CDC16: variants seen among roughly 807,000 people sequenced by gnomAD.
CDC16 encodes the protein cell division cycle protein 16 homolog.
CDC16 carries 34 observed loss-of-function variants against 87.0 expected under a neutral mutation model. That is an observed-to-expected ratio of 0.39 (90% CI 0.30 to 0.52). The LOEUF (loss-of-function observed/expected upper bound fraction) is 0.52, where lower values mean the gene tolerates loss of function less well. Among genes scored for constraint, CDC16 ranks in the 20% least tolerant of loss-of-function variants. The probability of loss-of-function intolerance (pLI) is 0.74; values close to 1 mark genes in which losing one functional copy is unlikely to be tolerated. For synonymous variants in CDC16, 263 were observed against 260.6 expected (o/e 1.01, Z -0.09); for missense variants, 653 against 751.9 (o/e 0.87, Z 1.54).
At chr13:114,236,158 G>A (rs2081240937) in intron 1 of CDC16, among the ~76,000 whole-genome samples, 1 of 152,312 alleles carries the variant, frequency 6.6e-6, no homozygotes, top group African/African-American at 2.4e-5. Context: ...CCCATGTTCA[G>A]TGAAGCTTAG....
chr13:114,250,495 A>G, intron 11 of CDC16, 54 bp from the exon 12 acceptor site: 2 of 1,435,016 alleles, frequency 1.4e-6, no homozygotes, highest in South Asian at 2.7e-5. Context: ...TTGTCTCAAA[A>G]AAAAAAAAAA....
At chr13:114,250,710 GA>G in intron 12 of CDC16, 36 bp downstream of exon 12, 1 of 1,602,056 alleles carries the variant, frequency 6.2e-7, no homozygotes, top group East Asian at 2.2e-5. Flanking sequence ...TCCATGAAGG[GA>G]TGTTTTTCCT....
chr13:114,267,276 T>C (rs1252421243), intron 17 of CDC16, among the ~76,000 whole-genome samples: 1 of 151,830 alleles, frequency 6.6e-6, no homozygotes, highest in Non-Finnish European at 1.5e-5. Context: ...TCACCTGAGG[T>C]CAGGAGTTCA....
chr13:114,242,520 A>G (rs1407044097), intron 6 of CDC16: 1 of 469,032 alleles, frequency 2.1e-6, no homozygotes. Flanking sequence ...AGTGATTGAG[A>G]TAGTATAAAC....
intron 16 of CDC16, among the ~76,000 whole-genome samples, chr13:114,263,596 T>C (rs1471425832): frequency 6.6e-6 from 1 of 152,240 alleles, no homozygotes; most frequent in Admixed American, 6.5e-5. Context: ...CATAGAAATG[T>C]ACATATAAGT....
chr13:114,253,990 C>A (rs979009481), intron 12 of CDC16, among the ~76,000 whole-genome samples: 1 of 152,080 alleles, frequency 6.6e-6, no homozygotes, highest in Non-Finnish European at 1.5e-5. Context: ...TAGGTGTGTA[C>A]ATGTTTATAA....
Position 114,238,984 on chromosome 13 carries a change from T to C in CDC16, c.202-6T>C, listed in dbSNP as rs1459189332. 1 of 1,609,712 alleles carries C rather than the reference T, an allele frequency of 6.2e-7. No homozygotes were observed. Among genetic ancestry groups the C allele is most frequent in the African/African-American group, 1.3e-5 (1 of 74,872 alleles). On this transcript the variant is annotated splice_region_variant and splice_polypyrimidine_tract_variant and intron_variant, in intron 3 of 17. Coordinates refer to ENST00000356221, the MANE Select transcript of CDC16 (RefSeq NM_001078645.3). ...CACTACTTAAACAAATTAATTTCTT[T>C]CCTAGTTGTATGAAGCATGTCGTTA...
At chr13:114,258,338 G>A (rs1437603131) in intron 13 of CDC16, among the ~76,000 whole-genome samples, 1 of 152,170 alleles carries the variant, frequency 6.6e-6, no homozygotes, top group African/African-American at 2.4e-5. Context: ...GGGTCTCCTG[G>A]CACACACACT....
intron 3 of CDC16, among the ~76,000 whole-genome samples, chr13:114,238,756 C>T (rs566185140): frequency 1.3e-5 from 2 of 152,344 alleles, no homozygotes; most frequent in Admixed American, 6.5e-5. Context: ...GCTTAGTTCA[C>T]ATCTCCCCTA....
chr13:114,266,244 G>A (rs2083204033), intron 17 of CDC16, among the ~76,000 whole-genome samples: 1 of 152,258 alleles, frequency 6.6e-6, no homozygotes, highest in Middle Eastern at 3.4e-3. Context: ...GGTTCCCTGA[G>A]GAAAACAGAG....
chr13:114,247,511 A>G (rs1477032686), intron 11 of CDC16, among the ~76,000 whole-genome samples: 6 of 151,772 alleles, frequency 4.0e-5, no homozygotes, highest in Non-Finnish European at 5.9e-5. Flanking sequence ...ATAAGATGCC[A>G]TGGGGAGAGA....
At chr13:114,250,437 AGCCGAGATC>A (rs1254149780) in intron 11 of CDC16, 103 bp from the exon 12 acceptor site, 1 of 922,148 alleles carries the variant, frequency 1.1e-6, no homozygotes, top group East Asian at 2.8e-5. Flanking sequence ...GGCTGCAGAG[AGCCGAGATC>A]GCACCACTGC....
At chr13:114,262,779 T>G (rs2139131585) in intron 15 of CDC16, 100 bp from the exon 16 acceptor site, 110 of 1,167,624 alleles carry the variant, frequency 9.4e-5, no homozygotes, top group Non-Finnish European at 1.3e-4. Context: ...CTGTTCTCAT[T>G]GAGACAGCGT....
chr13:114,272,372 G>A lies in CDC16; in HGVS notation c.1792G>A (p.Glu598Lys). Reference protein sequence around the residue: ...KTPDSRPSLEETFEIEMNESD... With the variant: ...KTPDSRPSLEKTFEIEMNESD... ...TCCAGATTCCAGACCTTCCTTGGAA[G>A]AAACCTTTGAAATTGAAATGAATGA... is the stretch of plus-strand genomic sequence containing the variant. The change falls in exon 18 of 18, where the codon GAA becomes AAA. Residue 598 changes from glutamate (E) to lysine (K), a missense_variant. By Grantham distance (56) the Glu-to-Lys change is moderately conservative. Coordinates refer to ENST00000356221, the MANE Select transcript of CDC16 (RefSeq NM_001078645.3). The A allele has an allele frequency of 1.2e-6, 2 of 1,614,058 alleles. No individual in the cohort carries two copies. Among genetic ancestry groups the A allele is most frequent in the African/African-American group, 1.3e-5 (1 of 75,064 alleles).
chr13:114,253,214 T>C (rs1435424260), intron 12 of CDC16, among the ~76,000 whole-genome samples: 1 of 152,222 alleles, frequency 6.6e-6, no homozygotes, highest in African/African-American at 2.4e-5. Flanking sequence ...TGTTTGAAAT[T>C]GGATGAATAT....
chr13:114,242,131 C>G lies in CDC16; in HGVS notation c.392C>G (p.Ser131Cys), dbSNP rs2081583935. ...TCATTTTTCCAACAGATAAAGAGTT[C>G]TATCTGTCTTCTACGCGGGAAAATC... The part of the protein sequence containing the change: ...WEMSQSSIKS[S>C]ICLLRGKIYD... Residue 131 changes from serine (S) to cysteine (C), a missense_variant, in exon 6 of 18, where the codon TCT becomes TGT. Ser to Cys is a moderately radical substitution (Grantham distance 112). Coordinates refer to ENST00000356221, the MANE Select transcript of CDC16 (RefSeq NM_001078645.3). 1.2e-6 allele frequency: 2 copies of G among 1,605,104 alleles called. No individual in the cohort carries two copies. Among genetic ancestry groups the G allele is most frequent in the Non-Finnish European group, 1.7e-6 (2 of 1,177,626 alleles).
At position 114,235,115 on chromosome 13, in the gene CDC16, C is replaced by T. The variant is rs2081177873; in HGVS notation, c.31C>T (p.Arg11Trp). The change falls in exon 1 of 18, where the codon CGG becomes TGG. Residue 11 changes from arginine to tryptophan, a missense_variant. Coordinates refer to ENST00000356221, the MANE Select transcript of CDC16 (RefSeq NM_001078645.3). MNLERLRKRVRQYLDQQQYQS... is the reference protein window; with the variant it reads MNLERLRKRVWQYLDQQQYQS... ...CCTAGAGCGGCTGCGGAAGCGCGTCCGGCAGTACCTCGACCAGGTGGGCGG... is the reference window on the plus strand; with the variant it reads ...CCTAGAGCGGCTGCGGAAGCGCGTCTGGCAGTACCTCGACCAGGTGGGCGG... The T allele has an allele frequency of 1.6e-6, 2 of 1,245,576 alleles. No homozygotes were observed. Among genetic ancestry groups the T allele is most frequent in the Non-Finnish European group, 2.0e-6 (2 of 995,260 alleles). 77.2% of individuals were successfully genotyped at this position (1,245,576 alleles called of 1,614,324 possible).
At chr13:114,236,622 C>CTT (rs372357906) in intron 1 of CDC16, 23 bp from the exon 2 acceptor site, 301 of 1,404,368 alleles carry the variant, frequency 2.1e-4, no homozygotes, top group South Asian at 7.0e-4. Context: ...CAGTTACCAC[C>CTT]TTTTTTTTTT....
rs140033814 is a variant in CDC16 at position 114,236,808 on chromosome 13, A to G, written c.113A>G (p.Gln38Arg). 322 of 1,613,524 alleles carry G rather than the reference A, an allele frequency of 2.0e-4. 1 individual carries two copies. In the African/African-American group the frequency reaches 4.0e-3, roughly 20 times the overall value. The change falls in exon 3 of 18, where the codon CAG becomes CGG. Residue 38 changes from glutamine (Q) to arginine (R), a missense_variant. Transcript: ENST00000356221. ...GAATTTTTCCCTCCAGAAGAACCCC[A>G]GGACATCTATTGGTTGGCTCAGTGT... ...KVASLSREEP[Q>R]DIYWLAQCLY...
Sources: allele counts gnomAD v4.1 joint callset (sites outside exome capture counted in the v4.1 genomes callset), GRCh38; gene constraint gnomAD v4.1.1; transcripts MANE v1.5; gene names NCBI Gene and HGNC (gene_info 2026-07-23, HGNC 2026-07-21).